The following CACNA1D variants were observed in gnomAD, a reference collection of about 807,000 sequenced individuals.
CACNA1D encodes voltage-dependent L-type calcium channel subunit alpha-1D.
In CACNA1D, 55 loss-of-function variants were observed where a neutral mutation model predicts 257.1. That is an observed-to-expected ratio of 0.21 (90% CI 0.17 to 0.27). The LOEUF is 0.27. CACNA1D is among the 10% of genes least tolerant of loss of function. The pLI is 1.00. For missense variants in CACNA1D, 1,876 were observed against 2,784.0 expected (o/e 0.67, Z 7.34); for synonymous variants, 980 against 1,014.9 (o/e 0.97, Z 0.65).
intron 3 of CACNA1D, among the ~76,000 whole-genome samples, chr3:53,626,544 C>T (rs1005409173): frequency 2.0e-5 from 3 of 151,256 alleles, no homozygotes; most frequent in Non-Finnish European, 2.9e-5. Context: ...TAACCTGAGC[C>T]GAGGCCCTGA....
chr3:53,787,774 T>C (rs1442678873), intron 40 of CACNA1D, among the ~76,000 whole-genome samples: 1 of 151,920 alleles, frequency 6.6e-6, no homozygotes, highest in East Asian at 1.9e-4. Flanking sequence ...GTGAGTGCCG[T>C]GGATGAAGGA....
At chr3:53,690,202 A>G (rs923388964) in intron 8 of CACNA1D, among the ~76,000 whole-genome samples, 13 of 152,170 alleles carry the variant, frequency 8.5e-5, no homozygotes, top group African/African-American at 3.1e-4. Context: ...GCTGGTTCTA[A>G]GTCTGGTGAG....
At chr3:53,722,587 T>A in intron 12 of CACNA1D, 113 bp downstream of exon 12, 1 of 1,121,908 alleles carries the variant, frequency 8.9e-7, no homozygotes, top group Admixed American at 1.7e-5. Context: ...ACATTTCTAG[T>A]GAGGACAAAC....
chr3:53,495,905 C>A lies in CACNA1D; in HGVS notation c.67+672C>A, dbSNP rs1381004019. ...CGGGCACCACGTGCAGCTTCCACGC[C>A]GGCCGGGGCTGGGTCGAGGGAGGAT... is the stretch of plus-strand genomic sequence containing the variant. On this transcript the variant is annotated intron_variant, in intron 1 of 47. Transcript: ENST00000350061. The surrounding 1 kb of genome is among the most constrained non-coding windows in gnomAD (Gnocchi z 5.1). Among the ~76,000 whole-genome samples, 1 of 152,250 alleles carries A rather than the reference C, an allele frequency of 6.6e-6. No homozygotes were observed. The highest frequency in any genetic ancestry group is 1.9e-4 in the East Asian group (1 of 5,186).
intron 3 of CACNA1D, among the ~76,000 whole-genome samples, chr3:53,551,606 C>A (rs1004438782): frequency 6.6e-6 from 1 of 152,232 alleles, no homozygotes; most frequent in African/African-American, 2.4e-5. Context: ...AAGGATGAAC[C>A]ATGCATTTTC....
intron 20 of CACNA1D, among the ~76,000 whole-genome samples, chr3:53,738,796 GA>G (rs761939859): frequency 9.2e-5 from 14 of 151,852 alleles, no homozygotes; most frequent in African/African-American, 2.9e-4. Flanking sequence ...CAGAGTGAGG[GA>G]AAAAAACAGC....
At chr3:53,663,945 TG>T (rs2094233214) in intron 5 of CACNA1D, among the ~76,000 whole-genome samples, 1 of 152,130 alleles carries the variant, frequency 6.6e-6, no homozygotes, top group Non-Finnish European at 1.5e-5. Flanking sequence ...TTTGTATTTT[TG>T]GTAGAGATGG....
chr3:53,734,311 A>G (rs551366442), intron 19 of CACNA1D, among the ~76,000 whole-genome samples: 1 of 151,802 alleles, frequency 6.6e-6, no homozygotes, highest in South Asian at 2.1e-4. Flanking sequence ...GAATACAGAT[A>G]GGTATATATA....
At chr3:53,810,772 A>AC (rs1576755716) in intron 47 of CACNA1D, among the ~76,000 whole-genome samples, 1 of 148,770 alleles carries the variant, frequency 6.7e-6, no homozygotes, top group Non-Finnish European at 1.5e-5. Context: ...AAAAAAAAAA[A>AC]AAAAAAAAAA....
intron 39 of CACNA1D, 90 bp from the exon 40 acceptor site, chr3:53,786,732 C>G: frequency 1.8e-6 from 1 of 542,486 alleles, no homozygotes. Context: ...CCCCACTCTG[C>G]CCCTGCCCCT....
intron 3 of CACNA1D, among the ~76,000 whole-genome samples, chr3:53,614,142 A>AAAG (rs1553749063): frequency 4.6e-5 from 7 of 151,478 alleles, no homozygotes; most frequent in Non-Finnish European, 8.8e-5. Flanking sequence ...AAAAAAAAAA[A>AAAG]AGAGAGACAA....
At chr3:53,511,170 T>C (rs951217019) in intron 3 of CACNA1D, among the ~76,000 whole-genome samples, 8 of 152,178 alleles carry the variant, frequency 5.3e-5, no homozygotes, top group African/African-American at 1.9e-4. Flanking sequence ...AATCTCGCTA[T>C]TATTATGGTG....
At chr3:53,759,796 T>A (rs1388455464) in intron 29 of CACNA1D, among the ~76,000 whole-genome samples, 1 of 152,238 alleles carries the variant, frequency 6.6e-6, no homozygotes, top group African/African-American at 2.4e-5. Flanking sequence ...AGGAGACTTC[T>A]TGGACGAAGG....
chr3:53,670,224 C>A (rs2094309519), intron 7 of CACNA1D, among the ~76,000 whole-genome samples: 1 of 152,156 alleles, frequency 6.6e-6, no homozygotes, highest in Non-Finnish European at 1.5e-5. Flanking sequence ...TTTCTTATTG[C>A]ATGCTCTGGG....
At chr3:53,678,357 T>C (rs72967888) in intron 8 of CACNA1D, among the ~76,000 whole-genome samples, 3,115 of 152,320 alleles carry the variant, frequency 0.02, 108 homozygotes, top group African/African-American at 0.07. Flanking sequence ...CCCACTCTTA[T>C]GACATAAAAT....
At chr3:53,763,572 G>A (rs1354788087) in intron 30 of CACNA1D, among the ~76,000 whole-genome samples, 1 of 152,220 alleles carries the variant, frequency 6.6e-6, no homozygotes, top group Non-Finnish European at 1.5e-5. Context: ...GGGAGGGACT[G>A]TTGTGTGGTA....
In CACNA1D at chr3:53,743,113, A is replaced by T. The variant is rs1391281420; in HGVS notation, c.2914A>T (p.Ile972Phe). Residue 972 changes from isoleucine (I) to phenylalanine (F), a missense_variant, in exon 22 of 48, where the codon ATT (isoleucine) becomes TTT (phenylalanine). This residue lies in a region of CACNA1D where 271 missense variants were observed against 425.5 expected (regional missense o/e 0.64). Coordinates refer to ENST00000350061, the MANE Select transcript of CACNA1D (RefSeq NM_001128840.3). ...TGGGGTGTCTCTGGTGTCATTTGGG[A>T]TTCAGTAAGTATTCTGGGGTGTGTG... is the stretch of plus-strand genomic sequence containing the variant. ...VVGVSLVSFG[I>F]QSSAISVVKI... 3.7e-6 allele frequency: 6 copies of T among 1,603,512 alleles called. No individual in the cohort carries two copies. The Admixed American group carries it at 5.0e-5, about 13-fold the overall frequency.
intron 40 of CACNA1D, among the ~76,000 whole-genome samples, chr3:53,794,886 A>G (rs2106693846): frequency 6.6e-6 from 1 of 152,320 alleles, no homozygotes; most frequent in South Asian, 2.1e-4. Flanking sequence ...TCCCCAGAAC[A>G]CACCTGAGAA....
At chr3:53,647,849 T>C (rs1441293473) in intron 3 of CACNA1D, among the ~76,000 whole-genome samples, 1 of 152,210 alleles carries the variant, frequency 6.6e-6, no homozygotes, top group Non-Finnish European at 1.5e-5. Context: ...GGCATCATGG[T>C]AGAATCTCTG....
Sources: gnomAD v4.1 joint callset for allele counts (sites outside exome capture counted in the v4.1 genomes callset) on GRCh38, gnomAD v4.1.1 for gene constraint, gnomAD v4.1.1 regional missense constraint, Gnocchi (gnomAD v3.1) non-coding constraint, MANE v1.5 for transcripts, NCBI Gene and HGNC (gene_info 2026-07-23, HGNC 2026-07-21) for gene names.